The following HACL2 variants were observed in gnomAD, a reference collection of about 807,000 sequenced individuals.
HACL2 encodes the protein 2-hydroxyacyl-CoA lyase 2, also known as 2-hydroxyacyl-CoA lyase 1 like.
At chr19:15,116,568 G>A in the HACL2 span, 3 of 1,498,754 alleles carry the variant, frequency 2.0e-6, no homozygotes, top group Non-Finnish European at 2.8e-6. Flanking sequence ...GCTTCCTCCT[G>A]TTCTTCCAGC....
the HACL2 span, chr19:15,115,184 G>C: frequency 5.1e-6 from 8 of 1,583,078 alleles, no homozygotes; most frequent in Non-Finnish European, 6.9e-6. Flanking sequence ...AAGCAATGAT[G>C]AGACTCCAAA....
chr19:15,124,832 C>T, the HACL2 span: 1 of 1,499,170 alleles, frequency 6.7e-7, no homozygotes, highest in South Asian at 1.3e-5. Flanking sequence ...GGCTCGCTTT[C>T]CCACCCTGCA....
the HACL2 span, among the ~76,000 whole-genome samples, chr19:15,121,812 CAA>C: frequency 1.2e-4 from 10 of 84,828 alleles, no homozygotes; most frequent in Non-Finnish European, 1.6e-4. Flanking sequence ...GAATCTGTTT[CAA>C]AAAAAAAAAA....
chr19:15,123,223 C>G, the HACL2 span: 1 of 1,613,878 alleles, frequency 6.2e-7, no homozygotes, highest in East Asian at 2.2e-5. The surrounding 1 kb of genome is among the most constrained non-coding windows in gnomAD (Gnocchi z 5.1). Flanking sequence ...CCTGCTGTCA[C>G]TGCCGCCACG....
chr19:15,117,767 A>G, the HACL2 span: 2 of 1,196,486 alleles, frequency 1.7e-6, no homozygotes, highest in Non-Finnish European at 2.4e-6. Flanking sequence ...GGCTACCCCT[A>G]GGGCAAGGTC....
the HACL2 span, chr19:15,123,487 A>G: frequency 6.2e-7 from 1 of 1,614,066 alleles, no homozygotes; most frequent in South Asian, 1.1e-5. The surrounding 1 kb of genome is among the most constrained non-coding windows in gnomAD (Gnocchi z 5.1). Flanking sequence ...AAATGTGCCC[A>G]CCGACCAGCG....
chr19:15,125,236 G>C, the HACL2 span: 3 of 688,312 alleles, frequency 4.4e-6, no homozygotes, highest in South Asian at 3.9e-5. Context: ...GCCTAGGCTC[G>C]GGGTGAAGCC....
the HACL2 span, chr19:15,125,181 C>T: frequency 2.7e-6 from 3 of 1,109,694 alleles, no homozygotes; most frequent in Non-Finnish European, 3.8e-6. Context: ...CCGCCAGTTT[C>T]TGTGCGGCCA....
the HACL2 span, chr19:15,122,785 C>T: frequency 2.2e-5 from 36 of 1,614,046 alleles, no homozygotes; most frequent in Non-Finnish European, 3.0e-5. This position sits in a 1 kb window ranked among gnomAD's most constrained non-coding sequence, Gnocchi z 4.0. Flanking sequence ...CGTCAACGGG[C>T]AGCTCCACAA....
the HACL2 span, chr19:15,119,976 A>C: frequency 2.6e-6 from 4 of 1,543,954 alleles, no homozygotes; most frequent in Non-Finnish European, 3.5e-6. Context: ...AAGAGAGGCA[A>C]TTCACCTGCT....
the HACL2 span, chr19:15,123,234 C>T: frequency 1.2e-6 from 2 of 1,613,802 alleles, no homozygotes; most frequent in Admixed American, 1.7e-5. The surrounding 1 kb of genome is among the most constrained non-coding windows in gnomAD (Gnocchi z 5.1). Flanking sequence ...TGCCGCCACG[C>T]CCACCGTCCC....
At chr19:15,125,482 G>A in the HACL2 span, 1 of 176,778 alleles carries the variant, frequency 5.7e-6, no homozygotes, top group Non-Finnish European at 1.2e-5. Flanking sequence ...TCACCAAGAG[G>A]CACGAGGTCA....
At chr19:15,123,185 C>T in the HACL2 span, 4 of 1,614,034 alleles carry the variant, frequency 2.5e-6, no homozygotes, top group Admixed American at 1.7e-5. This position sits in a 1 kb window ranked among gnomAD's most constrained non-coding sequence, Gnocchi z 5.1. Flanking sequence ...CATTCTTCAC[C>T]GCAGTCACCG....
At chr19:15,125,733 GC>G in the HACL2 span, 5 of 152,296 alleles carry the variant, frequency 3.3e-5, no homozygotes, top group Admixed American at 6.5e-5. Context: ...GCGTGGCCGT[GC>G]CCGGGTGGCC....
the HACL2 span, chr19:15,124,736 G>A: frequency 1.1e-5 from 8 of 751,942 alleles, no homozygotes; most frequent in Admixed American, 1.7e-4. Context: ...TCTTACCAGT[G>A]GCAAAGTCCA....
the HACL2 span, chr19:15,123,704 TTG>T: frequency 6.6e-6 from 5 of 755,982 alleles, no homozygotes; most frequent in African/African-American, 8.7e-5. This position sits in a 1 kb window ranked among gnomAD's most constrained non-coding sequence, Gnocchi z 5.1. Flanking sequence ...AAGCTTGGTC[TTG>T]GTTAGGCATA....
At chr19:15,119,893 C>T in the HACL2 span, 1 of 889,598 alleles carries the variant, frequency 1.1e-6, no homozygotes, top group Non-Finnish European at 1.7e-6. Flanking sequence ...AAGATTAAGG[C>T]CCCAGTACTG....
At chr19:15,125,341 G>A in the HACL2 span, 3 of 476,282 alleles carry the variant, frequency 6.3e-6, no homozygotes, top group African/African-American at 6.1e-5. Context: ...CACAAGTCAA[G>A]GTGGCGACGA....
At chr19:15,121,671 T>C in the HACL2 span, among the ~76,000 whole-genome samples, 4 of 151,394 alleles carry the variant, frequency 2.6e-5, no homozygotes. Context: ...TAGCCAGGTG[T>C]GGTGGCGGGC....
Sources: gnomAD v4.1 joint callset for allele counts (sites outside exome capture counted in the v4.1 genomes callset) on GRCh38, gnomAD v4.1.1 for gene constraint, Gnocchi (gnomAD v3.1) non-coding constraint, MANE v1.5 for transcripts, NCBI Gene and HGNC (gene_info 2026-07-23, HGNC 2026-07-21) for gene names.